Variants in KCNIP4 observed in about 807,000 individuals in gnomAD.
KCNIP4 encodes the protein potassium voltage-gated channel interacting protein 4.
A neutral mutation model predicts 34.0 loss-of-function variants in KCNIP4; 12 were observed. The observed-to-expected ratio is 0.35, with a 90% confidence interval of 0.23 to 0.57. The LOEUF is 0.57. KCNIP4 is among the 20% of genes least tolerant of loss of function. The pLI, the probability that KCNIP4 is intolerant of heterozygous loss-of-function variation, is 0.83. For synonymous variants in KCNIP4, 124 were observed against 102.2 expected, an observed-to-expected ratio of 1.21 and a Z score of -1.29; for missense variants, 238 against 311.7, an observed-to-expected ratio of 0.76 and a Z score of 1.78.
rs1448372076 is a variant in KCNIP4 at position 20,731,656 on chromosome 4, T to TGATA, written c.705+346_705+349dup. On this transcript the variant is annotated intron_variant, in intron 8 of 8. Coordinates refer to ENST00000382152, the MANE Select transcript of KCNIP4 (RefSeq NM_025221.6). The stretch of plus-strand genomic sequence containing the variant: ...TAGGAATTCTAATGCTGTGGAGATA[T>TGATA]GATAGATAATATATGAGTGATGCTA... 3.0e-6 allele frequency: 3 copies of TGATA among 985,148 alleles called. No individual in the cohort carries two copies. In the African/African-American group the frequency reaches 5.2e-5, roughly 17 times the overall value. 61.0% of individuals were successfully genotyped at this position (985,148 alleles called of 1,614,324 possible).
intron 1 of KCNIP4, among the ~76,000 whole-genome samples, chr4:21,809,815 T>C (rs1349994869): frequency 6.6e-6 from 1 of 152,226 alleles, no homozygotes; most frequent in East Asian, 1.9e-4. Context: ...ATTTAATTTG[T>C]AGAGCATCTC....
At chr4:21,014,986 A>G (rs1739374279) in intron 1 of KCNIP4, among the ~76,000 whole-genome samples, 1 of 152,202 alleles carries the variant, frequency 6.6e-6, no homozygotes, top group Non-Finnish European at 1.5e-5. Context: ...CCTTGAAAAC[A>G]TTATGCTAAG....
chr4:21,031,738 T>C (rs1741042887), intron 1 of KCNIP4, among the ~76,000 whole-genome samples: 1 of 152,204 alleles, frequency 6.6e-6, no homozygotes, highest in Admixed American at 6.5e-5. Context: ...TAGGATCCAT[T>C]GAAAAGCTAA....
intron 1 of KCNIP4, among the ~76,000 whole-genome samples, chr4:21,916,043 A>G (rs947072218): frequency 2.0e-5 from 3 of 152,230 alleles, no homozygotes; most frequent in African/African-American, 4.8e-5. Context: ...TTCAGATGGT[A>G]TAATTCGCTG....
chr4:21,936,789 A>G (rs1245672847), intron 1 of KCNIP4, among the ~76,000 whole-genome samples: 1 of 151,958 alleles, frequency 6.6e-6, no homozygotes, highest in Non-Finnish European at 1.5e-5. Context: ...CCAGCTCTGG[A>G]TTTTTAAAAC....
chr4:20,932,400 T>A (rs1730571636), intron 1 of KCNIP4, among the ~76,000 whole-genome samples: 1 of 114,096 alleles, frequency 8.8e-6, no homozygotes, highest in Non-Finnish European at 1.8e-5. Context: ...TATTGTAGAC[T>A]ATAATAGTCT....
chr4:20,997,132 T>C (rs1355706413), intron 1 of KCNIP4, among the ~76,000 whole-genome samples: 1 of 152,154 alleles, frequency 6.6e-6, no homozygotes, highest in African/African-American at 2.4e-5. Context: ...GATTTAATGA[T>C]CATTTCAGGC....
chr4:21,696,324 C>T (rs546064021), intron 1 of KCNIP4, among the ~76,000 whole-genome samples: 1 of 151,404 alleles, frequency 6.6e-6, no homozygotes, highest in Admixed American at 6.6e-5. Context: ...AGCTTTATAT[C>T]AGCACAAGAT....
intron 1 of KCNIP4, among the ~76,000 whole-genome samples, chr4:21,474,247 G>T (rs1382762058): frequency 1.3e-5 from 2 of 152,004 alleles, no homozygotes; most frequent in East Asian, 3.9e-4. Flanking sequence ...AAAAATGAAG[G>T]CCACTGAGAA....
chr4:21,142,144 C>A (rs1254327992), intron 1 of KCNIP4, among the ~76,000 whole-genome samples: 2 of 107,894 alleles, frequency 1.9e-5, no homozygotes, highest in African/African-American at 7.9e-5. Context: ...GTGCGAGACA[C>A]CGTCTCAAAA....
At chr4:20,835,753 A>AC (rs1718965584) in intron 3 of KCNIP4, among the ~76,000 whole-genome samples, 1 of 151,512 alleles carries the variant, frequency 6.6e-6, no homozygotes, top group Non-Finnish European at 1.5e-5. Context: ...AATTCTTAAC[A>AC]CCCCCCAATC....
chr4:21,548,659 C>A (rs374204633), intron 1 of KCNIP4, among the ~76,000 whole-genome samples: 1 of 147,342 alleles, frequency 6.8e-6, no homozygotes, highest in Non-Finnish European at 1.5e-5. Flanking sequence ...TTCTCATATA[C>A]AAAAAAAAAA....
At chr4:21,662,986 G>A (rs573343344) in intron 1 of KCNIP4, among the ~76,000 whole-genome samples, 3 of 152,280 alleles carry the variant, frequency 2.0e-5, no homozygotes, top group Non-Finnish European at 2.9e-5. Flanking sequence ...TTCTTAGAAT[G>A]TTACTATAAT....
intron 1 of KCNIP4, among the ~76,000 whole-genome samples, chr4:21,689,797 C>T (rs1389795828): frequency 6.6e-6 from 1 of 151,992 alleles, no homozygotes; most frequent in Non-Finnish European, 1.5e-5. Context: ...CCACCCTGGC[C>T]ACTGATTCAG....
chr4:21,383,720 A>C (rs921373031), intron 1 of KCNIP4, among the ~76,000 whole-genome samples: 4 of 152,080 alleles, frequency 2.6e-5, no homozygotes, highest in Admixed American at 2.0e-4. Flanking sequence ...ATGCCTATTC[A>C]TTGGTTTTCC....
At chr4:20,738,886 T>A (rs1750350078) in intron 5 of KCNIP4, among the ~76,000 whole-genome samples, 1 of 152,148 alleles carries the variant, frequency 6.6e-6, no homozygotes, top group African/African-American at 2.4e-5. Context: ...GGACACTTCC[T>A]GCCAATATTG....
chr4:21,334,048 A>T (rs1365011373), intron 1 of KCNIP4, among the ~76,000 whole-genome samples: 2 of 152,120 alleles, frequency 1.3e-5, no homozygotes, highest in Non-Finnish European at 2.9e-5. Context: ...AAGCCAGTTT[A>T]AGAAACCAGC....
At chr4:21,075,384 A>G (rs553041033) in intron 1 of KCNIP4, among the ~76,000 whole-genome samples, 2 of 152,264 alleles carry the variant, frequency 1.3e-5, no homozygotes, top group East Asian at 3.9e-4. Context: ...TCCCTTTACC[A>G]TTATGTAATG....
intron 1 of KCNIP4, among the ~76,000 whole-genome samples, chr4:21,083,676 A>G (rs1577662058): frequency 6.6e-6 from 1 of 151,940 alleles, no homozygotes; most frequent in Non-Finnish European, 1.5e-5. Flanking sequence ...TCCTAAAGCC[A>G]TTAAAAGGAA....
Sources: gnomAD v4.1 joint callset for allele counts (sites outside exome capture counted in the v4.1 genomes callset) on GRCh38, gnomAD v4.1.1 for gene constraint, MANE v1.5 for transcripts, NCBI Gene and HGNC (gene_info 2026-07-23, HGNC 2026-07-21) for gene names.